Variants in SHANK2 observed in about 807,000 individuals in gnomAD.
SHANK2 encodes the protein SH3 and multiple ankyrin repeat domains 2, also known as SH3 and multiple ankyrin repeat domains protein 2.
A neutral mutation model predicts 133.7 loss-of-function variants in SHANK2; 43 were observed. The observed-to-expected ratio is 0.32, with a 90% CI of 0.25 to 0.41. The LOEUF is 0.41. SHANK2 is among the 10% of genes least tolerant of loss of function. The pLI is 1.00. For synonymous variants in SHANK2, 1,017 were observed against 952.8 expected (o/e 1.07, Z -1.24); for missense variants, 1,994 against 2,235.8 (o/e 0.89, Z 2.18).
intron 11 of SHANK2, among the ~76,000 whole-genome samples, chr11:70,857,837 C>T (rs1265887828): frequency 6.6e-6 from 1 of 152,186 alleles, no homozygotes; most frequent in Non-Finnish European, 1.5e-5. Flanking sequence ...CGATGGGGCA[C>T]TTCCATGAGT....
intron 7 of SHANK2, among the ~76,000 whole-genome samples, chr11:71,093,589 C>A (rs1207231065): frequency 6.6e-6 from 1 of 152,102 alleles, no homozygotes; most frequent in Non-Finnish European, 1.5e-5. Flanking sequence ...CTCTGTCTTC[C>A]TCCCACTCCG....
At chr11:70,600,154 C>G (rs1222053422) in intron 17 of SHANK2, among the ~76,000 whole-genome samples, 1 of 151,980 alleles carries the variant, frequency 6.6e-6, no homozygotes, top group Non-Finnish European at 1.5e-5. Context: ...CACGGTGGCT[C>G]ACACCTGTAA....
intron 9 of SHANK2, among the ~76,000 whole-genome samples, chr11:71,057,998 C>T (rs1041818432): frequency 2.1e-5 from 3 of 146,232 alleles, no homozygotes; most frequent in Non-Finnish European, 3.0e-5. Context: ...ACAGCAGCCT[C>T]GACCTCCCAC....
intron 11 of SHANK2, among the ~76,000 whole-genome samples, chr11:70,893,116 C>T (rs1250355028): frequency 3.3e-5 from 5 of 152,190 alleles, no homozygotes; most frequent in African/African-American, 7.2e-5. Flanking sequence ...TGCATCTGGA[C>T]GTGGAGGTTT....
At chr11:70,844,420 C>T (rs887147886) in intron 11 of SHANK2, among the ~76,000 whole-genome samples, 3 of 152,126 alleles carry the variant, frequency 2.0e-5, no homozygotes, top group Non-Finnish European at 2.9e-5. Context: ...CCAGCATTCT[C>T]GACAAGGGGA....
chr11:70,866,088 A>G (rs781854150), intron 11 of SHANK2, among the ~76,000 whole-genome samples: 11 of 152,180 alleles, frequency 7.2e-5, no homozygotes, highest in Non-Finnish European at 1.3e-4. Flanking sequence ...TTCCGCGCGC[A>G]GATGCCTCTG....
chr11:70,890,450 C>A (rs868937095), intron 11 of SHANK2, among the ~76,000 whole-genome samples: 1 of 147,766 alleles, frequency 6.8e-6, no homozygotes, highest in Non-Finnish European at 1.5e-5. Flanking sequence ...ATCAAACTGG[C>A]GAACATGGTG....
chr11:71,110,235 G>A (rs1269970710), intron 5 of SHANK2, among the ~76,000 whole-genome samples, 186 bp from the exon 6 acceptor site: 5 of 152,166 alleles, frequency 3.3e-5, no homozygotes, highest in African/African-American at 4.8e-5. Context: ...TCAGGAGATC[G>A]AGACCATCCT....
chr11:70,918,966 C>A (rs562604611), intron 10 of SHANK2, among the ~76,000 whole-genome samples: 2 of 152,112 alleles, frequency 1.3e-5, no homozygotes, highest in South Asian at 4.2e-4. Flanking sequence ...GAGTTTGAGA[C>A]CAGGCTGGAC....
At chr11:71,152,239 A>G (rs1952812249) in intron 2 of SHANK2, among the ~76,000 whole-genome samples, 3 of 151,944 alleles carry the variant, frequency 2.0e-5, no homozygotes, top group Admixed American at 2.0e-4. Flanking sequence ...CAGCCTCCCA[A>G]TTAGCTGGGA....
intron 1 of SHANK2, among the ~76,000 whole-genome samples, chr11:71,249,024 T>C (rs1000667154): frequency 6.6e-6 from 1 of 152,002 alleles, no homozygotes; most frequent in African/African-American, 2.4e-5. Context: ...AAGAAACAAA[T>C]ACACCCTAGA....
At chr11:70,887,350 G>A (rs1949763407) in intron 11 of SHANK2, among the ~76,000 whole-genome samples, 2 of 132,910 alleles carry the variant, frequency 1.5e-5, no homozygotes, top group South Asian at 5.3e-4. Context: ...TCACCAAACA[G>A]AGGTCCCATT....
At chr11:71,118,789 T>C in intron 4 of SHANK2, 40 bp downstream of exon 4, 1 of 1,476,720 alleles carries the variant, frequency 6.8e-7, no homozygotes. Flanking sequence ...ATCCAGGCTG[T>C]GACACAACCA....
chr11:70,874,634 T>C (rs1415103468), intron 11 of SHANK2, among the ~76,000 whole-genome samples: 3 of 122,754 alleles, frequency 2.4e-5, no homozygotes, highest in Admixed American at 1.9e-4. Context: ...TCCAATAAAA[T>C]AGTTCATGTA....
At chr11:70,617,456 G>A (rs1215678639) in intron 17 of SHANK2, among the ~76,000 whole-genome samples, 2 of 151,138 alleles carry the variant, frequency 1.3e-5, no homozygotes, top group Admixed American at 6.6e-5. Flanking sequence ...AAAGAAACGC[G>A]AGGAACGGAG....
intron 11 of SHANK2, among the ~76,000 whole-genome samples, chr11:70,837,985 A>AG (rs1948846875): frequency 6.7e-6 from 1 of 149,972 alleles, no homozygotes; most frequent in Non-Finnish European, 1.5e-5. Context: ...CAAAAAAAAA[A>AG]AAAAAAAAAA....
At chr11:71,176,575 T>G (rs1269064205) in intron 2 of SHANK2, among the ~76,000 whole-genome samples, 2 of 152,174 alleles carry the variant, frequency 1.3e-5, no homozygotes, top group African/African-American at 4.8e-5. Flanking sequence ...AAAAATACCC[T>G]GAATAGAATT....
intron 4 of SHANK2, among the ~76,000 whole-genome samples, chr11:71,113,966 T>C (rs535581020): frequency 2.6e-5 from 4 of 152,254 alleles, no homozygotes; most frequent in African/African-American, 7.2e-5. Context: ...GTAAGCAACA[T>C]TGTCGGAGTG....
At chr11:70,817,284 C>A (rs1948419144) in intron 12 of SHANK2, among the ~76,000 whole-genome samples, 1 of 152,214 alleles carries the variant, frequency 6.6e-6, no homozygotes, top group Admixed American at 6.5e-5. Flanking sequence ...CTCATCAGTG[C>A]CCATCCAGAG....
Sources: gnomAD v4.1 joint callset for allele counts (sites outside exome capture counted in the v4.1 genomes callset) on GRCh38, gnomAD v4.1.1 for gene constraint, MANE v1.5 for transcripts, NCBI Gene and HGNC (gene_info 2026-07-23, HGNC 2026-07-21) for gene names.